DENND10: variants seen among roughly 807,000 people sequenced by gnomAD.
DENND10 encodes the protein DENN domain-containing protein 10.
DENND10 carries 24 observed loss-of-function variants against 43.6 expected under a neutral mutation model. The ratio of observed to expected loss-of-function variants is 0.55; its 90% CI spans 0.40 to 0.77. DENND10 has a LOEUF of 0.77. DENND10 is among the 30% of genes least tolerant of loss of function. DENND10 has a pLI of 0.00. For missense variants in DENND10, 303 were observed against 429.9 expected (o/e 0.70, Z 2.61); for synonymous variants, 125 against 157.6 (o/e 0.79, Z 1.55).
In DENND10 at chr10:119,107,259, C is replaced by A. The variant is rs190110709; in HGVS notation, c.56-709C>A. 4.8e-4 allele frequency among the ~76,000 whole-genome samples: 72 copies of A among 150,574 alleles called. No homozygotes were observed. The East Asian group carries it at 9.8e-3, about 20-fold the overall frequency. On this transcript the variant is annotated intron_variant, in intron 1 of 8. Coordinates refer to ENST00000361432, the MANE Select transcript of DENND10 (RefSeq NM_207009.4). Reference sequence around the variant, plus strand: ...TTGAACCTGGGAGCCAAGATAGCACCAGTACACTCTAGCCTGGGTGACGGT... The same window carrying A: ...TTGAACCTGGGAGCCAAGATAGCACAAGTACACTCTAGCCTGGGTGACGGT...
rs779443934 is a variant in DENND10 at position 119,117,079 on chromosome 10, G to A, written c.333-440G>A. Among the ~76,000 whole-genome samples, 9 of 152,106 alleles carry A rather than the reference G, an allele frequency of 5.9e-5. No individual in the cohort carries two copies. The South Asian group carries it at 8.3e-4, about 14-fold the overall frequency. Reference sequence around the variant, plus strand: ...AAAGATTCAAGCATTCAGGCCAAGCGCAGTAACTCAGCAGTAAGTGCAGTA... The same window carrying A: ...AAAGATTCAAGCATTCAGGCCAAGCACAGTAACTCAGCAGTAAGTGCAGTA... On this transcript the variant is annotated intron_variant, in intron 3 of 8. Coordinates refer to ENST00000361432, the MANE Select transcript of DENND10 (RefSeq NM_207009.4).
chr10:119,111,301 T>A (rs1291185822), intron 2 of DENND10, among the ~76,000 whole-genome samples: 6 of 147,706 alleles, frequency 4.1e-5, no homozygotes, highest in Non-Finnish European at 8.9e-5. Flanking sequence ...AATATATACA[T>A]CTATTATGTA....
intron 1 of DENND10, chr10:119,104,858 C>T (rs1289607887): frequency 3.9e-5 from 6 of 152,430 alleles, no homozygotes; most frequent in African/African-American, 1.4e-4. Flanking sequence ...CACGGACACA[C>T]CATAGGCCGT....
rs1048713 is a variant in DENND10 at position 119,137,639 on chromosome 10, C to T, written c.*992C>T. 0.61 allele frequency: 93,645 copies of T among 154,694 alleles called. 29,177 individuals are homozygous for T. Among genetic ancestry groups the T allele is most frequent in the Middle Eastern group, 0.69 (191 of 278 alleles). 9.6% of individuals were successfully genotyped at this position (154,694 alleles called of 1,614,324 possible). On this transcript the variant is annotated 3_prime_UTR_variant, in exon 9 of 9. Transcript: ENST00000361432. ...TTGTTAGTGTATTCATTCATATTGA[C>T]TGTAAAGGATTATTTTTCACTCAGT...
At position 119,132,194 on chromosome 10, in the gene DENND10, G is replaced by C. The variant is rs111294160; in HGVS notation, c.803-321G>C. Among the ~76,000 whole-genome samples, 207 of 152,294 alleles carry C rather than the reference G, an allele frequency of 1.4e-3. No individual in the cohort carries two copies. The highest frequency in any genetic ancestry group is 4.8e-3 in the African/African-American group (198 of 41,564). The stretch of plus-strand genomic sequence containing the variant: ...TAGAACGTCAGACTCTTGGCTTATA[G>C]TCATGACTTAGTTGTAGTCAGAATT... On this transcript the variant is annotated intron_variant, in intron 7 of 8. Transcript: ENST00000361432. This position sits in a 1 kb window ranked among gnomAD's most constrained non-coding sequence, Gnocchi z 4.2.
chr10:119,127,771 A>G (rs1845899647), intron 6 of DENND10, among the ~76,000 whole-genome samples: 1 of 152,124 alleles, frequency 6.6e-6, no homozygotes, highest in Non-Finnish European at 1.5e-5. Context: ...TACAGGCATG[A>G]GCCACTGCGC....
chr10:119,131,784 C>T (rs765880299), intron 7 of DENND10, among the ~76,000 whole-genome samples: 24 of 152,278 alleles, frequency 1.6e-4, no homozygotes, highest in East Asian at 7.7e-4. Context: ...CAGATCTTTA[C>T]GAAATAACTG....
chr10:119,110,307 G>A (rs1027473504), intron 2 of DENND10, among the ~76,000 whole-genome samples: 1 of 151,738 alleles, frequency 6.6e-6, no homozygotes, highest in Admixed American at 6.6e-5. Context: ...AAGTAGCTGG[G>A]ACTACAGGCA....
chr10:119,133,175 G>T (rs1846159233), intron 8 of DENND10: 1 of 156,136 alleles, frequency 6.4e-6, no homozygotes, highest in Non-Finnish European at 1.4e-5. Flanking sequence ...ATGGCAAATG[G>T]GTTTTATTTC....
At chr10:119,108,654 T>C (rs1466538198) in intron 2 of DENND10, among the ~76,000 whole-genome samples, 1 of 151,824 alleles carries the variant, frequency 6.6e-6, no homozygotes. Context: ...TTTTCCCCTT[T>C]TTTTTTGTTT....
At chr10:119,117,229 G>T (rs1845332180) in intron 3 of DENND10, among the ~76,000 whole-genome samples, 1 of 151,858 alleles carries the variant, frequency 6.6e-6, no homozygotes, top group Non-Finnish European at 1.5e-5. Flanking sequence ...AAACTTAGCA[G>T]GGTGTGGTGG....
At chr10:119,104,695 C>T (rs1844601728) in intron 1 of DENND10, 1 of 152,188 alleles carries the variant, frequency 6.6e-6, no homozygotes, top group South Asian at 2.1e-4. Flanking sequence ...CGGCCCCCAT[C>T]GTGGGACCGG....
At chr10:119,105,786 G>C (rs1454020236) in intron 1 of DENND10, among the ~76,000 whole-genome samples, 2 of 152,078 alleles carry the variant, frequency 1.3e-5, no homozygotes, top group African/African-American at 4.8e-5. Context: ...GTGCCTGTAG[G>C]TGGGAGGATT....
Position 119,132,572 on chromosome 10 carries a change from C to T in DENND10, c.860C>T (p.Ala287Val). ...ATGGGTCAGCTAATTGTTCAGTCTG[C>T]AGAAGATCCAGAGAAATCAGAGAGC... The part of the protein sequence containing the change: ...KEMGQLIVQS[A>V]EDPEKSESHV... The change falls in exon 8 of 9, where the codon GCA (alanine) becomes GTA (valine). Residue 287 changes from alanine (A) to valine (V), a missense_variant. Transcript: ENST00000361432. This position sits in a 1 kb window ranked among gnomAD's most constrained non-coding sequence, Gnocchi z 4.2. The T allele has an allele frequency of 6.2e-7, 1 of 1,614,156 alleles. No homozygotes were observed. The highest frequency in any genetic ancestry group is 1.3e-5 in the African/African-American group (1 of 75,048).
At chr10:119,107,632 G>A (rs1158949205) in intron 1 of DENND10, among the ~76,000 whole-genome samples, 1 of 151,998 alleles carries the variant, frequency 6.6e-6, no homozygotes, top group African/African-American at 2.4e-5. Flanking sequence ...TCGAAGTCCC[G>A]ACCTCAGGTA....
At chr10:119,110,263 C>T (rs1844916002) in intron 2 of DENND10, among the ~76,000 whole-genome samples, 1 of 151,354 alleles carries the variant, frequency 6.6e-6, no homozygotes, top group Admixed American at 6.6e-5. Flanking sequence ...CCTCTGCCTC[C>T]CAGGATCAAG....
chr10:119,109,178 T>C (rs574260947), intron 2 of DENND10, among the ~76,000 whole-genome samples: 1 of 145,130 alleles, frequency 6.9e-6, no homozygotes, highest in African/African-American at 2.5e-5. Context: ...ATTGCGCCAT[T>C]GCACTCTAGC....
At position 119,108,019 on chromosome 10, in the gene DENND10, C is replaced by T. The variant is rs972337293; in HGVS notation, c.107C>T (p.Thr36Ile). The change falls in exon 2 of 9, where the codon ACA becomes ATA. Residue 36 changes from threonine (T) to isoleucine (I), a missense_variant. Physicochemically the swap from Thr to Ile is moderately conservative, Grantham distance 89. Transcript: ENST00000361432. ...VLWVWCYPSTTATLRNLLLRK... is the reference protein window; with the variant it reads ...VLWVWCYPSTIATLRNLLLRK... ...TGGGTGTGGTGTTATCCTTCCACGA[C>T]AGCCACATTAAGGAACCTGCTGCTG... 2 of 1,613,744 alleles carry T rather than the reference C, an allele frequency of 1.2e-6. No individual in the cohort carries two copies. The highest frequency in any genetic ancestry group is 1.1e-5 in the South Asian group (1 of 91,082).
chr10:119,122,329 G>C (rs1286616574), intron 5 of DENND10, among the ~76,000 whole-genome samples: 2 of 152,078 alleles, frequency 1.3e-5, no homozygotes, highest in Non-Finnish European at 2.9e-5. Flanking sequence ...AAAAGGTATT[G>C]ATTGTTTCTG....
Sources: gnomAD v4.1 joint callset for allele counts (sites outside exome capture counted in the v4.1 genomes callset) on GRCh38, gnomAD v4.1.1 for gene constraint, Gnocchi (gnomAD v3.1) non-coding constraint, MANE v1.5 for transcripts, NCBI Gene and HGNC (gene_info 2026-07-23, HGNC 2026-07-21) for gene names.